The following ZFTA variants were observed in gnomAD, a reference collection of about 807,000 sequenced individuals.
ZFTA encodes zinc finger translocation-associated protein.
ZFTA carries 35 observed loss-of-function variants against 41.8 expected under a neutral mutation model. The ratio of observed to expected loss-of-function variants is 0.84; its 90% CI spans 0.64 to 1.11. The LOEUF (loss-of-function observed/expected upper bound fraction) is 1.11, where lower values mean the gene tolerates loss of function less well. Ranked by LOEUF, ZFTA falls within the 50% of genes most tolerant of loss-of-function variation. The probability of loss-of-function intolerance (pLI) is 0.00; values close to 1 mark genes in which losing one functional copy is unlikely to be tolerated. For missense variants in ZFTA, 964 were observed against 989.8 expected (o/e 0.97, Z 0.35); for synonymous variants, 514 against 436.4 (o/e 1.18, Z -2.22).
Position 63,765,129 on chromosome 11 carries a change from G to T in ZFTA, c.763C>A (p.Arg255Ser). Reference sequence around the variant, plus strand: ...GACTCCTTCAGCCTCCTCTCCAGGCGCCGGGCCCCCAGCCCCCTGCTGCCC... The same window carrying T: ...GACTCCTTCAGCCTCCTCTCCAGGCTCCGGGCCCCCAGCCCCCTGCTGCCC... Reference protein sequence around the residue: ...AGGSRGLGARRLERRLKESLQ... With the variant: ...AGGSRGLGARSLERRLKESLQ... The change falls in exon 3 of 5, where the codon CGC (arginine) becomes AGC (serine). Residue 255 changes from arginine (R) to serine (S), a missense_variant. Physicochemically the swap from Arg to Ser is moderately radical, Grantham distance 110. Around this residue, in one of 5 missense-constraint regions of ZFTA, gnomAD observed 584 missense variants for 523.1 expected, o/e 1.12. Coordinates refer to ENST00000433688, the MANE Select transcript of ZFTA (RefSeq NM_001144936.2). The surrounding 1 kb of genome is among the most constrained non-coding windows in gnomAD (Gnocchi z 4.0). The T allele has an allele frequency of 6.5e-7, 1 of 1,547,454 alleles. No individual in the cohort carries two copies. The highest frequency in any genetic ancestry group is 1.2e-5 in the South Asian group (1 of 83,936).
chr11:63,765,740 C>T lies in ZFTA; in HGVS notation c.637+67G>A. The T allele has an allele frequency of 7.0e-7, 1 of 1,427,462 alleles. No homozygotes were observed. The highest frequency in any genetic ancestry group is 9.1e-7 in the Non-Finnish European group (1 of 1,093,324). The allele number at this position is 1,427,462 out of a possible 1,614,324, so 88.4% of individuals were successfully genotyped here. The stretch of plus-strand genomic sequence containing the variant: ...CAAGAACACCAGCTCCTTGGCAGAG[C>T]AGCTGGCCCACTGTGCCCCACTGGC... On this transcript the variant is annotated intron_variant, in intron 2 of 4. Coordinates refer to ENST00000433688, the MANE Select transcript of ZFTA (RefSeq NM_001144936.2). This position sits in a 1 kb window ranked among gnomAD's most constrained non-coding sequence, Gnocchi z 4.0.
At position 63,764,518 on chromosome 11, in the gene ZFTA, G is replaced by A; in HGVS notation, c.1105C>T (p.Leu369Phe). The change falls in exon 4 of 5, where the codon CTC (leucine) becomes TTC (phenylalanine). Residue 369 changes from leucine to phenylalanine, a missense_variant. Physicochemically the swap from Leu to Phe is conservative, Grantham distance 22. Coordinates refer to ENST00000433688, the MANE Select transcript of ZFTA (RefSeq NM_001144936.2). ...SAAGAPSSQD[L>F]SPPDVKEEAG... ...TCTTCCTTTACGTCTGGGGGGCTGA[G>A]ATCCTGAGAGGAGGGGGCTCCAGCA... 2.4e-6 allele frequency: 3 copies of A among 1,257,424 alleles called. No homozygotes were observed. Among genetic ancestry groups the A allele is most frequent in the Non-Finnish European group, 3.0e-6 (3 of 995,600 alleles). The allele number at this position is 1,257,424 out of a possible 1,614,324, so 77.9% of individuals were successfully genotyped here. A position where few individuals can be genotyped will look rare whatever the true frequency, so the allele number is the denominator to read the frequency against.
At chr11:63,767,265 C>T (rs868688533) in intron 1 of ZFTA, 1 of 152,292 alleles carries the variant, frequency 6.6e-6, no homozygotes, top group Non-Finnish European at 1.5e-5. Flanking sequence ...AGGTTCTGGT[C>T]ATTCTCCCAG....
In ZFTA at chr11:63,762,894, G is replaced by C. The variant is rs1419945199; in HGVS notation, c.*524C>G. 6.6e-6 allele frequency: 1 copy of C among 152,188 alleles called. No homozygotes were observed. Among genetic ancestry groups the C allele is most frequent in the East Asian group, 1.9e-4 (1 of 5,170 alleles). 9.4% of individuals were successfully genotyped at this position (152,188 alleles called of 1,614,324 possible). A position where few individuals can be genotyped will look rare whatever the true frequency, so the allele number is the denominator to read the frequency against. On this transcript the variant is annotated 3_prime_UTR_variant, in exon 5 of 5. Coordinates refer to ENST00000433688, the MANE Select transcript of ZFTA (RefSeq NM_001144936.2). Reference sequence around the variant, plus strand: ...CCCAGTCCGCAGCCGGGGCCTCCGAGAGGCCGAGAATCCCAATTAGGGAAG... The same window carrying C: ...CCCAGTCCGCAGCCGGGGCCTCCGACAGGCCGAGAATCCCAATTAGGGAAG...
In ZFTA at chr11:63,764,216, G is replaced by A. The variant is rs770868392; in HGVS notation, c.1407C>T (p.Gly469=). 6 of 1,423,906 alleles carry A rather than the reference G, an allele frequency of 4.2e-6. No individual in the cohort carries two copies. The South Asian group carries it at 7.4e-5, about 17-fold the overall frequency. The allele number at this position is 1,423,906 out of a possible 1,614,324, so 88.2% of individuals were successfully genotyped here. ...RRRHPGSTRL[G]GPVQALIARE... is the part of the protein sequence containing the mutation. The stretch of plus-strand genomic sequence containing the variant: ...GGGCGATGAGGGCCTGGACAGGCCC[G>A]CCGAGGCGCGTGGAGCCCGGGTGGC... The change falls in exon 4 of 5, where the codon GGC becomes GGT. Residue 469 remains glycine (G), a synonymous_variant. Coordinates refer to ENST00000433688, the MANE Select transcript of ZFTA (RefSeq NM_001144936.2).
chr11:63,764,842 G>A (rs1283927739), intron 3 of ZFTA, 26 bp downstream of exon 3: 3 of 1,451,718 alleles, frequency 2.1e-6, no homozygotes, highest in East Asian at 2.6e-5. Flanking sequence ...GTATGAGGGG[G>A]TCTCAGCCTG....
chr11:63,767,693 G>A (rs1295163606), intron 1 of ZFTA: 1 of 152,270 alleles, frequency 6.6e-6, no homozygotes, highest in Non-Finnish European at 1.5e-5. Context: ...TCCCTGGCCT[G>A]GAGGAAACCC....
chr11:63,765,059 G>A lies in ZFTA; in HGVS notation c.833C>T (p.Pro278Leu), dbSNP rs1017110756. The A allele has an allele frequency of 6.5e-7, 1 of 1,548,914 alleles. No homozygotes were observed. The highest frequency in any genetic ancestry group is 8.7e-7 in the Non-Finnish European group (1 of 1,146,436). The change falls in exon 3 of 5, where the codon CCG becomes CTG. Residue 278 changes from proline to leucine, a missense_variant. By Grantham distance (98) the Pro-to-Leu change is moderately conservative (BLOSUM62 -3). Around this residue, in one of 5 missense-constraint regions of ZFTA, gnomAD observed 584 missense variants for 523.1 expected, o/e 1.12. Transcript: ENST00000433688. The surrounding 1 kb of genome is among the most constrained non-coding windows in gnomAD (Gnocchi z 4.0). ...CATGCACACCAGCCGGTTCCCCCGC[G>A]GGTCATAGTCCATGAGACACTCGGC... ...FRAECLMDYDPRGNRLVCMAC... is the reference protein window; with the variant it reads ...FRAECLMDYDLRGNRLVCMAC...
chr11:63,763,103 C>A lies in ZFTA; in HGVS notation c.*315G>T, dbSNP rs2957207. On this transcript the variant is annotated 3_prime_UTR_variant, in exon 5 of 5. Coordinates refer to ENST00000433688, the MANE Select transcript of ZFTA (RefSeq NM_001144936.2). ...CTCGCGGGGTGCGGCCGGGAGCGCT[C>A]GGCGCTAACACGTGGAGGCCACTGA... 786 of 161,892 alleles carry A rather than the reference C, an allele frequency of 4.9e-3. 6 individuals carry two copies. The highest frequency in any genetic ancestry group is 0.018 in the African/African-American group (743 of 41,684). The allele number at this position is 161,892 out of a possible 1,614,324, so 10.0% of individuals were successfully genotyped here.
At position 63,764,388 on chromosome 11, in the gene ZFTA, C is replaced by G; in HGVS notation, c.1235G>C (p.Arg412Pro). The change falls in exon 4 of 5, where the codon CGC (arginine) becomes CCC (proline). Residue 412 changes from arginine (R) to proline (P), a missense_variant. Physicochemically the swap from Arg to Pro is moderately radical, Grantham distance 103 (BLOSUM62 -2). This residue lies in a region of ZFTA where 584 missense variants were observed against 523.1 expected (regional missense o/e 1.12). Coordinates refer to ENST00000433688, the MANE Select transcript of ZFTA (RefSeq NM_001144936.2). ...CTCCTGGGGGTGGCGGCGGTGGGCG[C>G]GGCCCCGCGGCGACCGGCCCGGGAC... ...AGVPGRSPRG[R>P]AHRRHPQERW... 1 of 1,292,672 alleles carries G rather than the reference C, an allele frequency of 7.7e-7. No homozygotes were observed. The highest frequency in any genetic ancestry group is 9.8e-7 in the Non-Finnish European group (1 of 1,023,792). The allele number at this position is 1,292,672 out of a possible 1,614,324, so 80.1% of individuals were successfully genotyped here. A position where few individuals can be genotyped will look rare whatever the true frequency, so the allele number is the denominator to read the frequency against.
rs944284562 is a variant in ZFTA at position 63,759,908 on chromosome 11, C to T, written c.*3510G>A. The stretch of plus-strand genomic sequence containing the variant: ...CACAAACAATGACTGTGGCATCATT[C>T]TGCTAACTTTATTCTTTATACACAG... On this transcript the variant is annotated 3_prime_UTR_variant, in exon 5 of 5. Coordinates refer to ENST00000433688, the MANE Select transcript of ZFTA (RefSeq NM_001144936.2). The T allele has an allele frequency of 6.6e-6, 1 of 151,800 alleles. No homozygotes were observed. The highest frequency in any genetic ancestry group is 1.5e-5 in the Non-Finnish European group (1 of 67,918). The allele number at this position is 151,800 out of a possible 1,614,324, so 9.4% of individuals were successfully genotyped here. A position where few individuals can be genotyped will look rare whatever the true frequency, so the allele number is the denominator to read the frequency against.
rs1300708753 is a variant in ZFTA, at chr11:63,768,578, C to A, written c.45G>T (p.Arg15Ser). ...AGGCCACTGCTGGCCCGGGGCCGCC[C>A]CTGCCGCCGCTGCTCCGGCTCCGGT... Reference protein sequence around the residue: ...GDHRSRSSGGRGGPGPAVASA... With the variant: ...GDHRSRSSGGSGGPGPAVASA... Residue 15 changes from arginine to serine, a missense_variant, in exon 1 of 5, where the codon AGG becomes AGT. By Grantham distance (110) the Arg-to-Ser change is moderately radical. This residue lies in a region of ZFTA where 111 missense variants were observed against 93.2 expected (regional missense o/e 1.19). Coordinates refer to ENST00000433688, the MANE Select transcript of ZFTA (RefSeq NM_001144936.2). 1 of 1,057,994 alleles carries A rather than the reference C, an allele frequency of 9.5e-7. No homozygotes were observed. Among genetic ancestry groups the A allele is most frequent in the South Asian group, 4.0e-5 (1 of 25,212 alleles). The allele number at this position is 1,057,994 out of a possible 1,614,324, so 65.5% of individuals were successfully genotyped here. A position where few individuals can be genotyped will look rare whatever the true frequency, so the allele number is the denominator to read the frequency against.
At position 63,764,032 on chromosome 11, in the gene ZFTA, G is replaced by T; in HGVS notation, c.1585+6C>A. 7.6e-7 allele frequency: 1 copy of T among 1,320,402 alleles called. No homozygotes were observed. Among genetic ancestry groups the T allele is most frequent in the Non-Finnish European group, 9.7e-7 (1 of 1,028,160 alleles). 81.8% of individuals were successfully genotyped at this position (1,320,402 alleles called of 1,614,324 possible). A position where few individuals can be genotyped will look rare whatever the true frequency, so the allele number is the denominator to read the frequency against. ...CCTCTCCGCCTGCTCTGGCCCCACC[G>T]CTCACCCCACTCCTCCTCCTCCTCC... On this transcript the variant is annotated splice_donor_region_variant and intron_variant, in intron 4 of 4. Coordinates refer to ENST00000433688, the MANE Select transcript of ZFTA (RefSeq NM_001144936.2).
At chr11:63,766,406 G>A in intron 1 of ZFTA, 102 bp from the exon 2 acceptor site, 2 of 1,373,820 alleles carry the variant, frequency 1.5e-6, no homozygotes, top group Non-Finnish European at 1.9e-6. Context: ...GGGGGAGGGG[G>A]TGTTCCGGGG....
Position 63,766,187 on chromosome 11 carries a change from G to C in ZFTA, c.257C>G (p.Ala86Gly). Residue 86 changes from alanine to glycine, a missense_variant, in exon 2 of 5, where the codon GCC (alanine) becomes GGC (glycine). By Grantham distance (60) the Ala-to-Gly change is moderately conservative. This residue lies in a region of ZFTA where 141 missense variants were observed against 216.7 expected (regional missense o/e 0.65). Transcript: ENST00000433688. ...SGRKYSDHCE[A>G]RASRPGKSRI... is the part of the protein sequence containing the mutation. Reference sequence around the variant, plus strand: ...GCTCTTTCCAGGCCTCGAGGCCCGGGCCTCACAGTGGTCTGAATATTTCCT... The same window carrying C: ...GCTCTTTCCAGGCCTCGAGGCCCGGCCCTCACAGTGGTCTGAATATTTCCT... 6.5e-7 allele frequency: 1 copy of C among 1,528,590 alleles called. No homozygotes were observed. Among genetic ancestry groups the C allele is most frequent in the Non-Finnish European group, 8.8e-7 (1 of 1,136,966 alleles). The allele number at this position is 1,528,590 out of a possible 1,614,324, so 94.7% of individuals were successfully genotyped here.
chr11:63,765,657 C>T lies in ZFTA; in HGVS notation c.637+150G>A, dbSNP rs967682390. The stretch of plus-strand genomic sequence containing the variant: ...CTCTCACCCCACTGTCCTTCCCCCA[C>T]CTTTGTATAATAAGGGCAATAAACA... On this transcript the variant is annotated intron_variant, in intron 2 of 4. Coordinates refer to ENST00000433688, the MANE Select transcript of ZFTA (RefSeq NM_001144936.2). The surrounding 1 kb of genome is among the most constrained non-coding windows in gnomAD (Gnocchi z 4.0). The T allele has an allele frequency of 3.6e-6, 4 of 1,114,354 alleles. No individual in the cohort carries two copies. Among genetic ancestry groups the T allele is most frequent in the Non-Finnish European group, 4.8e-6 (4 of 826,626 alleles). 69.0% of individuals were successfully genotyped at this position (1,114,354 alleles called of 1,614,324 possible). A position where few individuals can be genotyped will look rare whatever the true frequency, so the allele number is the denominator to read the frequency against.
intron 1 of ZFTA, among the ~76,000 whole-genome samples, chr11:63,767,775 G>GACT (rs1371660305): frequency 6.6e-6 from 1 of 152,098 alleles, no homozygotes; most frequent in African/African-American, 2.4e-5. Context: ...GAACGAGGAG[G>GACT]ACTGGTTGGT....
rs1590909812 is a variant in ZFTA at position 63,764,225 on chromosome 11, C to T, written c.1398G>A (p.Thr466=). Residue 466 remains threonine, a synonymous_variant, in exon 4 of 5, where the codon ACG becomes ACA. Coordinates refer to ENST00000433688, the MANE Select transcript of ZFTA (RefSeq NM_001144936.2). ...RHIRRRHPGS[T]RLGGPVQALI... The stretch of plus-strand genomic sequence containing the variant: ...GGGCCTGGACAGGCCCGCCGAGGCG[C>T]GTGGAGCCCGGGTGGCGCCGGCGGA... The T allele has an allele frequency of 7.0e-7, 1 of 1,433,734 alleles. No homozygotes were observed. Among genetic ancestry groups the T allele is most frequent in the Non-Finnish European group, 9.1e-7 (1 of 1,103,734 alleles). The allele number at this position is 1,433,734 out of a possible 1,614,324, so 88.8% of individuals were successfully genotyped here. A position where few individuals can be genotyped will look rare whatever the true frequency, so the allele number is the denominator to read the frequency against.
chr11:63,765,121 C>T lies in ZFTA; in HGVS notation c.771G>A (p.Glu257=), dbSNP rs2014723690. The change falls in exon 3 of 5, where the codon GAG becomes GAA. Residue 257 remains glutamate, a synonymous_variant. Transcript: ENST00000433688. This position sits in a 1 kb window ranked among gnomAD's most constrained non-coding sequence, Gnocchi z 4.0. ...GSRGLGARRL[E]RRLKESLQNW... is the part of the protein sequence containing the mutation. ...TCTGCAGGGACTCCTTCAGCCTCCT[C>T]TCCAGGCGCCGGGCCCCCAGCCCCC... The T allele has an allele frequency of 6.5e-7, 1 of 1,548,024 alleles. No homozygotes were observed. Among genetic ancestry groups the T allele is most frequent in the Non-Finnish European group, 8.7e-7 (1 of 1,146,284 alleles).
Sources: gnomAD v4.1 joint callset for allele counts (sites outside exome capture counted in the v4.1 genomes callset) on GRCh38, gnomAD v4.1.1 for gene constraint, gnomAD v4.1.1 regional missense constraint, Gnocchi (gnomAD v3.1) non-coding constraint, MANE v1.5 for transcripts, NCBI Gene and HGNC (gene_info 2026-07-23, HGNC 2026-07-21) for gene names.